The following KDM1B variants were observed in gnomAD, a reference collection of about 807,000 sequenced individuals.
KDM1B encodes the protein lysine-specific histone demethylase 2.
KDM1B carries 63 observed loss-of-function variants against 107.4 expected under a neutral mutation model. The ratio of observed to expected loss-of-function variants is 0.59; its 90% CI spans 0.48 to 0.72. KDM1B has a LOEUF of 0.72. Ranked by LOEUF, KDM1B falls within the 30% of genes least tolerant of loss-of-function variation. The pLI, the probability that KDM1B is intolerant of heterozygous loss-of-function variation, is 0.00. For missense variants in KDM1B, 749 were observed against 1,020.8 expected (o/e 0.73, Z 3.63); for synonymous variants, 363 against 363.9 (o/e 1.00, Z 0.03).
chr6:18,163,123 G>A lies in KDM1B; in HGVS notation c.305+199G>A, dbSNP rs559907831. Among the ~76,000 whole-genome samples, 18 of 151,164 alleles carry A rather than the reference G, an allele frequency of 1.2e-4. 2 individuals are homozygous for A. Among genetic ancestry groups the A allele is most frequent in the African/African-American group, 4.4e-4 (18 of 41,058 alleles). ...CATGTTTGTGTGTGTGCACACTCAG[G>A]GATCAAAAAATATCTGCCATTTCTT... is the stretch of plus-strand genomic sequence containing the variant. On this transcript the variant is annotated intron_variant, in intron 5 of 21. Coordinates refer to ENST00000650836, the MANE Select transcript of KDM1B (RefSeq NM_001364614.2).
chr6:18,193,294 C>CTTT (rs1787410884), intron 10 of KDM1B, among the ~76,000 whole-genome samples: 1 of 118,792 alleles, frequency 8.4e-6, no homozygotes, highest in Admixed American at 8.4e-5. Context: ...GAAATGTGTG[C>CTTT]TTTCTTTTTT....
In KDM1B at chr6:18,223,354, C is replaced by T. The variant is rs945930877; in HGVS notation, c.*1362C>T. On this transcript the variant is annotated 3_prime_UTR_variant, in exon 22 of 22. Transcript: ENST00000650836. ...CCCCACCGCCCGCCCCCCGCCCCCC[C>T]CAATCAAAGTGTGGTCCCAAAACAA... 7.3e-6 allele frequency: 1 copy of T among 137,324 alleles called. No individual in the cohort carries two copies. The highest frequency in any genetic ancestry group is 1.5e-5 in the Non-Finnish European group (1 of 64,572). 8.5% of individuals were successfully genotyped at this position (137,324 alleles called of 1,614,324 possible).
At chr6:18,206,794 C>T (rs1337865169) in intron 15 of KDM1B, among the ~76,000 whole-genome samples, 1 of 152,058 alleles carries the variant, frequency 6.6e-6, no homozygotes, top group East Asian at 1.9e-4. Context: ...ACCGTGGAGT[C>T]GGAAACACTG....
At chr6:18,215,321 C>T (rs778666684) in intron 20 of KDM1B, among the ~76,000 whole-genome samples, 192 bp downstream of exon 20, 2 of 152,206 alleles carry the variant, frequency 1.3e-5, no homozygotes, top group Non-Finnish European at 2.9e-5. Flanking sequence ...CACAGAGTAC[C>T]GCAGACTGGC....
At chr6:18,192,234 C>G (rs1787325448) in intron 10 of KDM1B, among the ~76,000 whole-genome samples, 1 of 152,186 alleles carries the variant, frequency 6.6e-6, no homozygotes, top group Non-Finnish European at 1.5e-5. Context: ...TGCACTCTAG[C>G]TTGGGTGACA....
intron 7 of KDM1B, among the ~76,000 whole-genome samples, chr6:18,179,978 C>T (rs994099024): frequency 6.1e-5 from 9 of 148,404 alleles, no homozygotes; most frequent in East Asian, 2.0e-4. Context: ...ATTCTGCCAC[C>T]GTAGTCTCCT....
Position 18,217,886 on chromosome 6 carries a change from G to A in KDM1B, c.2385+1G>A, listed in dbSNP as rs768499755. On this transcript the variant is annotated splice_donor_variant, in intron 21 of 21. Coordinates refer to ENST00000650836, the MANE Select transcript of KDM1B (RefSeq NM_001364614.2). LOFTEE classifies it high-confidence loss of function. ...AGGAACCGTCTTTTTCGCTGGTGAG[G>A]TATGGATCTTGATTCCAAACCCAAT... is the stretch of plus-strand genomic sequence containing the variant. 6.2e-7 allele frequency: 1 copy of A among 1,605,464 alleles called. No individual in the cohort carries two copies. Among genetic ancestry groups the A allele is most frequent in the African/African-American group, 1.4e-5 (1 of 73,882 alleles).
rs1289783487 is a variant in KDM1B at position 18,197,132 on chromosome 6, G to A, written c.1045G>A (p.Val349Met). ...GLVRIRCVQEVERILYFMTRK... is the reference protein window; with the variant it reads ...GLVRIRCVQEMERILYFMTRK... ...CGTGCGTATTCGATGCGTTCAGGAA[G>A]TGGAGAGAATACTGTATTTTATGAC... The change falls in exon 11 of 22, where the codon GTG (valine) becomes ATG (methionine). Residue 349 changes from valine (V) to methionine (M), a missense_variant. Coordinates refer to ENST00000650836, the MANE Select transcript of KDM1B (RefSeq NM_001364614.2). The surrounding 1 kb of genome is among the most constrained non-coding windows in gnomAD (Gnocchi z 4.5). 1 of 1,614,022 alleles carries A rather than the reference G, an allele frequency of 6.2e-7. No homozygotes were observed. Among genetic ancestry groups the A allele is most frequent in the African/African-American group, 1.3e-5 (1 of 74,926 alleles).
chr6:18,196,516 G>C (rs565714758), intron 10 of KDM1B, among the ~76,000 whole-genome samples: 1 of 152,016 alleles, frequency 6.6e-6, no homozygotes, highest in Non-Finnish European at 1.5e-5. Flanking sequence ...CATTTTAACA[G>C]GTGTGAGGTG....
chr6:18,184,747 T>TTTTTTTC, intron 7 of KDM1B, among the ~76,000 whole-genome samples: 1 of 131,340 alleles, frequency 7.6e-6, no homozygotes, highest in Non-Finnish European at 1.6e-5. Context: ...TTTTTTTTTT[T>TTTTTTTC]TTTTTTTTTT....
Position 18,201,345 on chromosome 6 carries a change from C to T in KDM1B, c.1360-141C>T. 1.6e-6 allele frequency: 1 copy of T among 615,222 alleles called. No individual in the cohort carries two copies. The highest frequency in any genetic ancestry group is 2.8e-6 in the Non-Finnish European group (1 of 356,288). The allele number at this position is 615,222 out of a possible 1,614,324, so 38.1% of individuals were successfully genotyped here. ...TCACTGCCTGACTTTGCTGCCATTC[C>T]CCGTGAAGCATATTTAGCTTTATTT... On this transcript the variant is annotated intron_variant, in intron 13 of 21. Coordinates refer to ENST00000650836, the MANE Select transcript of KDM1B (RefSeq NM_001364614.2). The surrounding 1 kb of genome is among the most constrained non-coding windows in gnomAD (Gnocchi z 4.3).
At position 18,197,517 on chromosome 6, in the gene KDM1B, T is replaced by G; in HGVS notation, c.1147-70T>G. ...TAAATGAACGAATTTGCTCTGCAGTTCCGGAACAACTAAAACAGGACGTTG... is the reference window on the plus strand; with the variant it reads ...TAAATGAACGAATTTGCTCTGCAGTGCCGGAACAACTAAAACAGGACGTTG... On this transcript the variant is annotated intron_variant, in intron 11 of 21. Transcript: ENST00000650836. The surrounding 1 kb of genome is among the most constrained non-coding windows in gnomAD (Gnocchi z 4.5). 8.1e-7 allele frequency: 1 copy of G among 1,230,618 alleles called. No homozygotes were observed. The highest frequency in any genetic ancestry group is 1.8e-5 in the Admixed American group (1 of 54,334). The allele number at this position is 1,230,618 out of a possible 1,614,324, so 76.2% of individuals were successfully genotyped here. A position where few individuals can be genotyped will look rare whatever the true frequency, so the allele number is the denominator to read the frequency against.
At chr6:18,163,558 G>A (rs563030511) in intron 5 of KDM1B, among the ~76,000 whole-genome samples, 12 of 152,076 alleles carry the variant, frequency 7.9e-5, no homozygotes, top group Non-Finnish European at 1.5e-4. Flanking sequence ...CAATAAATGC[G>A]TTTTTAAATG....
chr6:18,213,909 C>A lies in KDM1B; in HGVS notation c.2109+128C>A. On this transcript the variant is annotated intron_variant, in intron 19 of 21. Coordinates refer to ENST00000650836, the MANE Select transcript of KDM1B (RefSeq NM_001364614.2). This position sits in a 1 kb window ranked among gnomAD's most constrained non-coding sequence, Gnocchi z 5.9. ...GAGACCCTGGGTCTATGTTTATATT[C>A]TGGGAGGACACTTGGACTGGACATT... is the stretch of plus-strand genomic sequence containing the variant. 2 of 1,017,884 alleles carry A rather than the reference C, an allele frequency of 2.0e-6. No individual in the cohort carries two copies. Among genetic ancestry groups the A allele is most frequent in the Non-Finnish European group, 2.9e-6 (2 of 679,790 alleles). 63.1% of individuals were successfully genotyped at this position (1,017,884 alleles called of 1,614,324 possible).
rs1455624406 is a variant in KDM1B, at chr6:18,223,296, T to C, written c.*1304T>C. 6.6e-6 allele frequency: 1 copy of C among 152,082 alleles called. No homozygotes were observed. Among genetic ancestry groups the C allele is most frequent in the Admixed American group, 6.6e-5 (1 of 15,244 alleles). The allele number at this position is 152,082 out of a possible 1,614,324, so 9.4% of individuals were successfully genotyped here. On this transcript the variant is annotated 3_prime_UTR_variant, in exon 22 of 22. Transcript: ENST00000650836. ...GAGTAAATACCTAACACACCAAGAA[T>C]GTGCAGTGAACCTCAGGCATTTAAG...
chr6:18,215,045 G>A lies in KDM1B; in HGVS notation c.2148G>A (p.Glu716=). 2 of 1,614,070 alleles carry A rather than the reference G, an allele frequency of 1.2e-6. No homozygotes were observed. The highest frequency in any genetic ancestry group is 1.7e-6 in the Non-Finnish European group (2 of 1,179,986). ...TGCTGATGTCTGTGATTGCCGGGGA[G>A]GCTGTCGCATCCGTGAGGACCCTGG... ...HSVLMSVIAG[E]AVASVRTLDD... Residue 716 remains glutamate (E), a synonymous_variant, in exon 20 of 22, where the codon GAG becomes GAA. Transcript: ENST00000650836.
intron 7 of KDM1B, among the ~76,000 whole-genome samples, chr6:18,183,213 C>T (rs1385298773): frequency 2.7e-5 from 4 of 150,650 alleles, no homozygotes; most frequent in Non-Finnish European, 5.9e-5. Flanking sequence ...TATTATGCTT[C>T]CTCTCCTTCC....
chr6:18,193,863 A>T lies in KDM1B; in HGVS notation c.969+2482A>T, dbSNP rs150757586. On this transcript the variant is annotated intron_variant, in intron 10 of 21. Coordinates refer to ENST00000650836, the MANE Select transcript of KDM1B (RefSeq NM_001364614.2). The stretch of plus-strand genomic sequence containing the variant: ...GGTCATGCCAAGGCTGGGTGAGCAG[A>T]GAAAGACAGTGTCTTTTTTTTTTTT... Among the ~76,000 whole-genome samples, 907 of 150,918 alleles carry T rather than the reference A, an allele frequency of 6.0e-3. 6 individuals carry two copies. The highest frequency in any genetic ancestry group is 0.021 in the African/African-American group (855 of 41,160).
At chr6:18,171,043 A>G (rs1290830869) in intron 6 of KDM1B, among the ~76,000 whole-genome samples, 2 of 151,594 alleles carry the variant, frequency 1.3e-5, no homozygotes, top group East Asian at 3.9e-4. Context: ...GATGGTCTGG[A>G]TTTCCTGACC....
Sources: allele counts gnomAD v4.1 joint callset (sites outside exome capture counted in the v4.1 genomes callset), GRCh38; gene constraint gnomAD v4.1.1; non-coding constraint Gnocchi (gnomAD v3.1); transcripts MANE v1.5; gene names NCBI Gene and HGNC (gene_info 2026-07-23, HGNC 2026-07-21).